Variants in CCDC15 observed in about 807,000 individuals in gnomAD.
CCDC15 encodes coiled-coil domain-containing protein 15.
A neutral mutation model predicts 114.5 loss-of-function variants in CCDC15; 105 were observed. That is an observed-to-expected ratio of 0.92 (90% CI 0.78 to 1.08). CCDC15 has a LOEUF of 1.08. Ranked by LOEUF, CCDC15 falls within the 50% of genes least tolerant of loss-of-function variation. The probability of loss-of-function intolerance (pLI) is 0.00; values close to 1 mark genes in which losing one functional copy is unlikely to be tolerated. For missense variants in CCDC15, 1,105 were observed against 1,093.6 expected (o/e 1.01, Z -0.15); for synonymous variants, 334 against 377.8 (o/e 0.88, Z 1.34).
intron 13 of CCDC15, among the ~76,000 whole-genome samples, chr11:125,035,070 G>A (rs1948766894): frequency 6.6e-6 from 1 of 152,156 alleles, no homozygotes; most frequent in Non-Finnish European, 1.5e-5. Context: ...TTGGAGGGCA[G>A]GAAGCATCCA....
At chr11:124,988,809 C>A (rs887449296) in intron 8 of CCDC15, among the ~76,000 whole-genome samples, 2 of 152,176 alleles carry the variant, frequency 1.3e-5, no homozygotes, top group Non-Finnish European at 2.9e-5. Context: ...ACTCCTTATC[C>A]ATTTAAGTTT....
intron 4 of CCDC15, among the ~76,000 whole-genome samples, chr11:124,971,724 T>G (rs940550584): frequency 6.6e-6 from 1 of 152,186 alleles, no homozygotes; most frequent in Non-Finnish European, 1.5e-5. Flanking sequence ...TGCATTGTTA[T>G]TAAAAAAGAT....
At chr11:124,962,120 ACTCC>A (rs577507715) in intron 4 of CCDC15, among the ~76,000 whole-genome samples, 163 of 152,104 alleles carry the variant, frequency 1.1e-3, no homozygotes, top group Non-Finnish European at 1.6e-4. Context: ...TGTCCATATG[ACTCC>A]ATGACAATAG....
At chr11:124,989,001 C>T (rs1948224009) in intron 8 of CCDC15, among the ~76,000 whole-genome samples, 1 of 152,192 alleles carries the variant, frequency 6.6e-6, no homozygotes, top group Admixed American at 6.5e-5. Context: ...GACCTCCTCC[C>T]ATGATTCATG....
At chr11:124,964,140 C>T (rs1239243096) in intron 4 of CCDC15, among the ~76,000 whole-genome samples, 1 of 152,092 alleles carries the variant, frequency 6.6e-6, no homozygotes, top group Non-Finnish European at 1.5e-5. Context: ...TTTTTGGTTC[C>T]ATATGAACTT....
At chr11:125,008,018 C>G in intron 13 of CCDC15, among the ~76,000 whole-genome samples, 1 of 152,110 alleles carries the variant, frequency 6.6e-6, no homozygotes, top group South Asian at 2.1e-4. Context: ...GTTGGCTTTA[C>G]CTCTCTACAT....
chr11:125,013,364 C>T (rs1027891819), intron 13 of CCDC15, among the ~76,000 whole-genome samples: 33 of 152,126 alleles, frequency 2.2e-4, no homozygotes, highest in African/African-American at 6.7e-4. Context: ...GAATCTATAA[C>T]GAAGTTGTTG....
At chr11:124,962,414 A>T (rs1372905692) in intron 4 of CCDC15, among the ~76,000 whole-genome samples, 3 of 152,218 alleles carry the variant, frequency 2.0e-5, no homozygotes, top group Non-Finnish European at 4.4e-5. Context: ...GAATATACTT[A>T]AATAATAAAA....
intron 2 of CCDC15, among the ~76,000 whole-genome samples, chr11:124,958,141 C>T (rs1402485153): frequency 2.0e-5 from 3 of 152,114 alleles, no homozygotes; most frequent in Non-Finnish European, 4.4e-5. Flanking sequence ...CTGATAGATC[C>T]ATAATAATGA....
At chr11:124,984,707 C>A (rs1324074942) in intron 6 of CCDC15, among the ~76,000 whole-genome samples, 1 of 152,102 alleles carries the variant, frequency 6.6e-6, no homozygotes, top group African/African-American at 2.4e-5. Context: ...GTGAGCAGGT[C>A]TCTTCTCACT....
At chr11:124,993,632 GATA>G (rs1948309402) in intron 11 of CCDC15, among the ~76,000 whole-genome samples, 1 of 152,136 alleles carries the variant, frequency 6.6e-6, no homozygotes, top group Non-Finnish European at 1.5e-5. Flanking sequence ...TAGCGCCATG[GATA>G]TATTTTACAT....
At chr11:125,018,355 G>A (rs1295563973) in intron 13 of CCDC15, among the ~76,000 whole-genome samples, 1 of 152,032 alleles carries the variant, frequency 6.6e-6, no homozygotes, top group Non-Finnish European at 1.5e-5. Context: ...ATACCATATA[G>A]CCTGGTTGTG....
Position 124,980,343 on chromosome 11 carries a change from G to A in CCDC15, c.753+2743G>A, listed in dbSNP as rs149292819. Among the ~76,000 whole-genome samples the A allele has an allele frequency of 1.6e-4, 25 of 152,292 alleles. No homozygotes were observed. In the East Asian group the frequency reaches 3.7e-3, roughly 22 times the overall value. On this transcript the variant is annotated intron_variant, in intron 6 of 15. Transcript: ENST00000344762. ...CTTTTGGAATAGTTTCAGTAGAAAT[G>A]ATACCAGTTCTTCTTTATAACATCT...
At chr11:125,026,597 T>G (rs1010475730) in intron 13 of CCDC15, among the ~76,000 whole-genome samples, 3 of 152,214 alleles carry the variant, frequency 2.0e-5, no homozygotes, top group Admixed American at 6.5e-5. Flanking sequence ...TTGGGGAGGA[T>G]GATTGGTGGA....
At chr11:125,028,287 T>C (rs1050262042) in intron 13 of CCDC15, among the ~76,000 whole-genome samples, 1 of 152,162 alleles carries the variant, frequency 6.6e-6, no homozygotes, top group African/African-American at 2.4e-5. Flanking sequence ...GTTTTTTCTA[T>C]TTCTGTGAAG....
chr11:125,025,461 T>C (rs1182246419), intron 13 of CCDC15, among the ~76,000 whole-genome samples: 1 of 151,972 alleles, frequency 6.6e-6, no homozygotes, highest in East Asian at 1.9e-4. Flanking sequence ...TTCTCTCCTC[T>C]TCAGTTTTAT....
At chr11:125,040,180 G>A (rs1175080551) in intron 15 of CCDC15, among the ~76,000 whole-genome samples, 1 of 152,016 alleles carries the variant, frequency 6.6e-6, no homozygotes, top group Non-Finnish European at 1.5e-5. Context: ...GGGATTACAG[G>A]TTTGTGCCAC....
chr11:125,022,970 A>G (rs1202330247), intron 13 of CCDC15, among the ~76,000 whole-genome samples: 4 of 151,898 alleles, frequency 2.6e-5, no homozygotes, highest in Non-Finnish European at 2.9e-5. Context: ...TTAAATAGGT[A>G]TACTTGATAT....
At chr11:124,980,888 G>A (rs1198011808) in intron 6 of CCDC15, among the ~76,000 whole-genome samples, 1 of 152,152 alleles carries the variant, frequency 6.6e-6, no homozygotes, top group Non-Finnish European at 1.5e-5. Context: ...ACTTTTTGAT[G>A]TGGGTGTTTA....
Sources: gnomAD v4.1 joint callset for allele counts (sites outside exome capture counted in the v4.1 genomes callset) on GRCh38, gnomAD v4.1.1 for gene constraint, MANE v1.5 for transcripts, NCBI Gene and HGNC (gene_info 2026-07-23, HGNC 2026-07-21) for gene names.